The following PARP10 variants were observed in gnomAD, a reference collection of about 807,000 sequenced individuals.
PARP10 encodes the protein poly(ADP-ribose) polymerase family member 10, also known as protein mono-ADP-ribosyltransferase PARP10.
In PARP10, 56 loss-of-function variants were observed where a neutral mutation model predicts 82.4. The observed-to-expected ratio is 0.68, with a 90% CI of 0.55 to 0.85. The LOEUF (loss-of-function observed/expected upper bound fraction) is 0.85. Ranked by LOEUF, PARP10 falls within the 40% of genes least tolerant of loss-of-function variation. The probability of loss-of-function intolerance (pLI) is 0.00; values close to 1 mark genes in which losing one functional copy is unlikely to be tolerated. For synonymous variants in PARP10, 576 were observed against 601.1 expected, an observed-to-expected ratio of 0.96 and a Z score of 0.61; for missense variants, 1,227 against 1,379.4, an observed-to-expected ratio of 0.89 and a Z score of 1.75.
intron 9 of PARP10, among the ~76,000 whole-genome samples, chr8:143,980,351 ACCATC>A (rs1833823241): frequency 7.1e-6 from 1 of 140,358 alleles, no homozygotes; most frequent in Non-Finnish European, 1.5e-5. Flanking sequence ...AAAAAAAAAA[ACCATC>A]TCTACTAAAA....
intron 1 of PARP10, among the ~76,000 whole-genome samples, chr8:144,005,204 G>C (rs552129663): frequency 5.3e-4 from 80 of 151,618 alleles, no homozygotes; most frequent in African/African-American, 1.6e-3. Flanking sequence ...GCTACCAAGA[G>C]AGGAGTAAGG....
At chr8:143,983,124 A>G in intron 8 of PARP10, 43 bp downstream of exon 8, 2 of 1,612,436 alleles carry the variant, frequency 1.2e-6, no homozygotes, top group Non-Finnish European at 1.7e-6. Context: ...GCCCCTGCTA[A>G]CCAGCCCACC....
intron 1 of PARP10, among the ~76,000 whole-genome samples, chr8:144,005,616 T>C (rs1252601090): frequency 1.3e-5 from 2 of 152,142 alleles, no homozygotes; most frequent in Admixed American, 6.5e-5. Flanking sequence ...CTCCATCCCA[T>C]GCTTCTCTGG....
In PARP10 at chr8:143,983,414, C is replaced by T. The variant is rs533638063; in HGVS notation, c.2175G>A (p.Ala725=). The part of the protein sequence containing the change: ...FEQDVEELDR[A]LRAALEVHVQ... ...CGTGGACCTCCAAGGCAGCCCTGAG[C>T]GCCCGGTCCAGCTCCTCCACATCCT... Residue 725 remains alanine, a synonymous_variant, in exon 8 of 11, where the codon GCG becomes GCA. Coordinates refer to ENST00000313028, the MANE Select transcript of PARP10 (RefSeq NM_032789.5). 184 of 1,604,376 alleles carry T rather than the reference C, an allele frequency of 1.1e-4. No homozygotes were observed. The highest frequency in any genetic ancestry group is 3.3e-4 in the Middle Eastern group (2 of 6,058).
chr8:143,986,260 G>C, intron 1 of PARP10, 27 bp from the exon 2 acceptor site: 1 of 1,613,550 alleles, frequency 6.2e-7, no homozygotes, highest in Non-Finnish European at 8.5e-7. Flanking sequence ...GGTGGGTAGG[G>C]AAACAGCCCA....
chr8:143,987,760 A>G (rs568350198), upstream of PARP10, among the ~76,000 whole-genome samples: 36 of 152,290 alleles, frequency 2.4e-4, no homozygotes, highest in African/African-American at 8.7e-4. Flanking sequence ...GCATGGTGGC[A>G]GGTGCCTATA....
rs782241904 is a variant in PARP10 at position 143,986,338 on chromosome 8, G to A, written c.2+20C>T. Reference sequence around the variant, plus strand: ...CCTCAATGCTCCCCCATTATGGGTGGCCCCACATACAGCACTTACATTCCC... The same window carrying A: ...CCTCAATGCTCCCCCATTATGGGTGACCCCACATACAGCACTTACATTCCC... On this transcript the variant is annotated intron_variant, in intron 1 of 10. Coordinates refer to ENST00000313028, the MANE Select transcript of PARP10 (RefSeq NM_032789.5). The A allele has an allele frequency of 4.3e-6, 7 of 1,614,014 alleles. No individual in the cohort carries two copies. The South Asian group carries it at 6.6e-5, about 15-fold the overall frequency.
rs782511803 is a variant in PARP10, at chr8:143,985,915, C to T, written c.242G>A (p.Arg81Gln). ...HELHGAQLSL[R>Q]PAPPRAPARL... ...TGCAGGGGCTCGTGGTGGAGCTGGCCGCAGGCTCAGCTGGGCACCATGTAG... is the reference window on the plus strand; with the variant it reads ...TGCAGGGGCTCGTGGTGGAGCTGGCTGCAGGCTCAGCTGGGCACCATGTAG... Residue 81 changes from arginine (R) to glutamine (Q), a missense_variant, in exon 3 of 11, where the codon CGG becomes CAG. By Grantham distance (43) the Arg-to-Gln change is conservative (BLOSUM62 1). Coordinates refer to ENST00000313028, the MANE Select transcript of PARP10 (RefSeq NM_032789.5). The T allele has an allele frequency of 5.1e-6, 8 of 1,579,592 alleles. No individual in the cohort carries two copies. The East Asian group carries it at 6.8e-5, about 13-fold the overall frequency.
chr8:143,993,978 C>T (rs947154168), upstream of PARP10, among the ~76,000 whole-genome samples: 2 of 152,252 alleles, frequency 1.3e-5, no homozygotes, highest in African/African-American at 4.8e-5. Flanking sequence ...CAGCCCCAGC[C>T]TGCAGTGCGT....
chr8:143,984,358 T>C lies in PARP10; in HGVS notation c.1532A>G (p.His511Arg). ...LRSLLGSISCHVLCLEHPGSA... is the reference protein window; with the variant it reads ...LRSLLGSISCRVLCLEHPGSA... Reference sequence around the variant, plus strand: ...GCCCGGGTGCTCCAGGCACAACACATGGCAGCTAATGCTGCCCAGCAGGCT... The same window carrying C: ...GCCCGGGTGCTCCAGGCACAACACACGGCAGCTAATGCTGCCCAGCAGGCT... The change falls in exon 6 of 11, where the codon CAT (histidine) becomes CGT (arginine). Residue 511 changes from histidine to arginine, a missense_variant. Coordinates refer to ENST00000313028, the MANE Select transcript of PARP10 (RefSeq NM_032789.5). The C allele has an allele frequency of 6.2e-7, 1 of 1,613,520 alleles. No homozygotes were observed. Among genetic ancestry groups the C allele is most frequent in the Non-Finnish European group, 8.5e-7 (1 of 1,179,908 alleles).
chr8:143,986,328 A>G, intron 1 of PARP10, 30 bp downstream of exon 1: 7 of 1,613,896 alleles, frequency 4.3e-6, no homozygotes, highest in East Asian at 2.2e-5. Flanking sequence ...ATGCTCCCCC[A>G]TTATGGGTGG....
intron 1 of PARP10, among the ~76,000 whole-genome samples, chr8:144,001,286 A>T (rs1201516745): frequency 6.6e-6 from 1 of 152,030 alleles, no homozygotes; most frequent in African/African-American, 2.4e-5. Flanking sequence ...GTCACGGCTC[A>T]TGCAGCCTGG....
At chr8:144,007,073 C>G (rs1276523796) in intron 1 of PARP10, among the ~76,000 whole-genome samples, 1 of 152,212 alleles carries the variant, frequency 6.6e-6, no homozygotes, top group Non-Finnish European at 1.5e-5. Flanking sequence ...GTGTAAACAG[C>G]AGAAAGAAAC....
In PARP10 at chr8:143,983,994, C is replaced by T. The variant is rs1248507571; in HGVS notation, c.1777+14G>A. On this transcript the variant is annotated intron_variant, in intron 7 of 10. Coordinates refer to ENST00000313028, the MANE Select transcript of PARP10 (RefSeq NM_032789.5). Reference sequence around the variant, plus strand: ...GGGCCACAGGATGTGCTGAGGGCTCCCAGGGAGCCCTACCCAGGCTCACGT... The same window carrying T: ...GGGCCACAGGATGTGCTGAGGGCTCTCAGGGAGCCCTACCCAGGCTCACGT... 1.7e-5 allele frequency: 25 copies of T among 1,509,302 alleles called. No individual in the cohort carries two copies. The highest frequency in any genetic ancestry group is 4.6e-5 in the Admixed American group (2 of 43,322). The allele number at this position is 1,509,302 out of a possible 1,614,324, so 93.5% of individuals were successfully genotyped here.
chr8:143,990,995 C>T, upstream of PARP10: 1 of 382,266 alleles, frequency 2.6e-6, no homozygotes, highest in South Asian at 5.2e-5. The surrounding 1 kb of genome is among the most constrained non-coding windows in gnomAD (Gnocchi z 5.6). Flanking sequence ...GCCTAGAGCC[C>T]TGGGAAGGCC....
At chr8:144,012,537 G>T in exon 1 of PARP10, 1 of 1,551,778 alleles carries the variant, frequency 6.4e-7, no homozygotes, top group Non-Finnish European at 8.7e-7. Flanking sequence ...CACCAATTAT[G>T]AAGGGCTTCG....
Position 143,983,502 on chromosome 8 carries a change from T to C in PARP10, c.2087A>G (p.Glu696Gly). The change falls in exon 8 of 11, where the codon GAA (glutamate) becomes GGA (glycine). Residue 696 changes from glutamate to glycine, a missense_variant. Transcript: ENST00000313028. ...ATCAGTCCCCCCATCTGGGGGCTCT[T>C]CTGCCTCCAACGGGGGCTGCTCCAG... ...SLLEQPPLEA[E>G]EPPDGGTDGK... 6.2e-7 allele frequency: 1 copy of C among 1,606,448 alleles called. No individual in the cohort carries two copies. The highest frequency in any genetic ancestry group is 1.1e-5 in the South Asian group (1 of 89,956).
rs1490508580 is a variant in PARP10, at chr8:143,985,525, AG to A, written c.559del (p.Leu187CysfsTer55). The A allele has an allele frequency of 5.6e-6, 9 of 1,613,860 alleles. No homozygotes were observed. The highest frequency in any genetic ancestry group is 1.3e-5 in the African/African-American group (1 of 74,908). On this transcript the variant is annotated frameshift_variant, in exon 4 of 11. Transcript: ENST00000313028. LOFTEE classifies it high-confidence loss of function. ...VVGDGASVDL[L>X]LLELYLENER... is the part of the protein sequence containing the mutation. Reference sequence around the variant, plus strand: ...ATTCTCCAGGTACAACTCCAGCAACAGCAGGTCCACAGAGGCACCATCCCCC... The same window carrying A: ...ATTCTCCAGGTACAACTCCAGCAACACAGGTCCACAGAGGCACCATCCCCC...
upstream of PARP10, chr8:143,990,094 C>G (rs1359471380): frequency 5.9e-5 from 9 of 151,366 alleles, no homozygotes; most frequent in African/African-American, 2.2e-4. The surrounding 1 kb of genome is among the most constrained non-coding windows in gnomAD (Gnocchi z 5.6). Flanking sequence ...CAGGCGCAGG[C>G]CCAGCTGAGC....
Sources: allele counts gnomAD v4.1 joint callset (sites outside exome capture counted in the v4.1 genomes callset), GRCh38; gene constraint gnomAD v4.1.1; non-coding constraint Gnocchi (gnomAD v3.1); transcripts MANE v1.5; gene names NCBI Gene and HGNC (gene_info 2026-07-23, HGNC 2026-07-21).